Variants in ARNT2 observed in about 807,000 individuals in gnomAD.
The protein encoded by ARNT2 is ARNT protein 2.
A neutral mutation model predicts 91.7 loss-of-function variants in ARNT2; 36 were observed. The observed-to-expected ratio is 0.39, with a 90% CI of 0.30 to 0.52. ARNT2 has a LOEUF of 0.52. ARNT2 is among the 20% of genes least tolerant of loss of function. The pLI is 0.72. For synonymous variants in ARNT2, 365 were observed against 347.1 expected (o/e 1.05, Z -0.57); for missense variants, 775 against 939.3 (o/e 0.83, Z 2.29).
chr15:80,420,908 CT>C (rs1402891169), intron 1 of ARNT2, among the ~76,000 whole-genome samples: 2 of 152,106 alleles, frequency 1.3e-5, no homozygotes, highest in Non-Finnish European at 2.9e-5. Context: ...TACTGAGTAT[CT>C]ACCCAAAGGC....
At chr15:80,422,778 T>C (rs1895878563) in intron 1 of ARNT2, among the ~76,000 whole-genome samples, 1 of 152,172 alleles carries the variant, frequency 6.6e-6, no homozygotes, top group South Asian at 2.1e-4. Context: ...TTAAGGCATA[T>C]AGAGTATACA....
intron 5 of ARNT2, among the ~76,000 whole-genome samples, chr15:80,489,055 G>T (rs866086972): frequency 6.6e-6 from 1 of 152,158 alleles, no homozygotes; most frequent in African/African-American, 2.4e-5. Context: ...TTGAAAAGAC[G>T]AATTGAATCA....
intron 1 of ARNT2, among the ~76,000 whole-genome samples, chr15:80,431,012 G>A (rs545104831): frequency 1.7e-4 from 26 of 152,146 alleles, no homozygotes; most frequent in Middle Eastern, 3.4e-3. Flanking sequence ...CCAGCTGTCA[G>A]TCTGCCTATC....
At chr15:80,563,049 C>A (rs1898397552) in intron 11 of ARNT2, 39 bp from the exon 12 acceptor site, 3 of 1,612,986 alleles carry the variant, frequency 1.9e-6, no homozygotes, top group Non-Finnish European at 2.5e-6. Context: ...TGGCACCATC[C>A]TTCCTCCTGC....
intron 17 of ARNT2, among the ~76,000 whole-genome samples, chr15:80,590,068 A>G (rs1893249502): frequency 6.6e-6 from 1 of 152,086 alleles, no homozygotes; most frequent in African/African-American, 2.4e-5. Flanking sequence ...TGGGTGGGAG[A>G]GAGAGCGAGG....
At chr15:80,422,605 T>C (rs1895875251) in intron 1 of ARNT2, among the ~76,000 whole-genome samples, 3 of 152,204 alleles carry the variant, frequency 2.0e-5, no homozygotes, top group Admixed American at 2.0e-4. Context: ...AGTTCTCAGA[T>C]GCAGTGAGCA....
intron 1 of ARNT2, among the ~76,000 whole-genome samples, chr15:80,411,143 C>A (rs1054544315): frequency 3.3e-5 from 5 of 152,188 alleles, no homozygotes; most frequent in Non-Finnish European, 7.3e-5. Context: ...GAAATCTATC[C>A]TGATCCCTTT....
intron 5 of ARNT2, among the ~76,000 whole-genome samples, chr15:80,506,036 A>G (rs1354990947): frequency 1.4e-5 from 2 of 144,016 alleles, no homozygotes; most frequent in Non-Finnish European, 3.0e-5. Context: ...TCCCGGGTTC[A>G]TGCCATTCTC....
intron 5 of ARNT2, among the ~76,000 whole-genome samples, chr15:80,494,924 C>T (rs1264967363): frequency 1.3e-5 from 2 of 152,114 alleles, no homozygotes; most frequent in East Asian, 3.8e-4. Context: ...TGCTCCTTGC[C>T]TAGTTAGTCT....
intron 6 of ARNT2, among the ~76,000 whole-genome samples, chr15:80,510,305 T>C (rs974924367): frequency 6.6e-6 from 1 of 152,012 alleles, no homozygotes; most frequent in African/African-American, 2.4e-5. Flanking sequence ...TTCCAGCATT[T>C]TAAGGTTAAG....
At chr15:80,494,312 T>C (rs1595985641) in intron 5 of ARNT2, among the ~76,000 whole-genome samples, 1 of 152,292 alleles carries the variant, frequency 6.6e-6, no homozygotes, top group East Asian at 1.9e-4. Flanking sequence ...AATCATTTCA[T>C]TAGCAAACTG....
At chr15:80,592,012 G>C (rs1043148027) in intron 18 of ARNT2, among the ~76,000 whole-genome samples, 1 of 152,064 alleles carries the variant, frequency 6.6e-6, no homozygotes, top group African/African-American at 2.4e-5. Context: ...GGCCAAAGGG[G>C]GTCTCTCCTA....
intron 8 of ARNT2, 199 bp from the exon 9 acceptor site, chr15:80,551,000 C>T: frequency 1.8e-6 from 1 of 556,374 alleles, no homozygotes; most frequent in Non-Finnish European, 3.2e-6. Context: ...TGATAATGTA[C>T]CATAAAATTA....
chr15:80,428,223 C>T (rs925304389), intron 1 of ARNT2, among the ~76,000 whole-genome samples: 4 of 152,226 alleles, frequency 2.6e-5, no homozygotes, highest in Non-Finnish European at 4.4e-5. Context: ...CTCACCATGT[C>T]GATGCACAGA....
At chr15:80,592,817 C>T (rs772440706) in intron 18 of ARNT2, among the ~76,000 whole-genome samples, 3 of 152,182 alleles carry the variant, frequency 2.0e-5, no homozygotes, top group African/African-American at 4.8e-5. Context: ...TTCATGGTCA[C>T]GATGCTAAAA....
intron 8 of ARNT2, among the ~76,000 whole-genome samples, chr15:80,533,984 G>T (rs769277945): frequency 3.3e-5 from 5 of 152,248 alleles, no homozygotes; most frequent in Non-Finnish European, 4.4e-5. Context: ...TATTGGAAAT[G>T]AAGCTCTGTC....
At chr15:80,581,585 C>T (rs1898798827) in intron 17 of ARNT2, among the ~76,000 whole-genome samples, 181 bp downstream of exon 17, 1 of 152,182 alleles carries the variant, frequency 6.6e-6, no homozygotes, top group Admixed American at 6.5e-5. Context: ...AGACTGGATG[C>T]TTAGGCCTTG....
rs773959209 is a variant in ARNT2 at position 80,581,095 on chromosome 15, C to T, written c.1753-144C>T. 8.0e-6 allele frequency: 8 copies of T among 999,240 alleles called. No individual in the cohort carries two copies. The Admixed American group carries it at 1.8e-4, about 22-fold the overall frequency. The allele number at this position is 999,240 out of a possible 1,614,324, so 61.9% of individuals were successfully genotyped here. A position where few individuals can be genotyped will look rare whatever the true frequency, so the allele number is the denominator to read the frequency against. ...CTCACACACCGGGCTGATCCCAGGC[C>T]TGTGCCTAGCCAGACAAGAGGGTCA... On this transcript the variant is annotated intron_variant, in intron 16 of 18. Transcript: ENST00000303329.
At chr15:80,456,779 G>A (rs542358377) in intron 2 of ARNT2, among the ~76,000 whole-genome samples, 2 of 152,188 alleles carry the variant, frequency 1.3e-5, no homozygotes, top group South Asian at 4.1e-4. Context: ...ACCCTTACTG[G>A]GAGGCCAGCA....
Sources: allele counts gnomAD v4.1 joint callset (sites outside exome capture counted in the v4.1 genomes callset), GRCh38; gene constraint gnomAD v4.1.1; transcripts MANE v1.5; gene names NCBI Gene and HGNC (gene_info 2026-07-23, HGNC 2026-07-21).